ANXA8: variants seen among roughly 807,000 people sequenced by gnomAD.
The protein encoded by ANXA8 is annexin A8.
In ANXA8, 9 loss-of-function variants were observed where a neutral mutation model predicts 26.8. The ratio of observed to expected loss-of-function variants is 0.34; its 90% confidence interval spans 0.20 to 0.59. The LOEUF is 0.59. Ranked by LOEUF, ANXA8 falls within the 20% of genes least tolerant of loss-of-function variation. The probability of loss-of-function intolerance (pLI) is 0.84; values close to 1 mark genes in which losing one functional copy is unlikely to be tolerated. For synonymous variants in ANXA8, 39 were observed against 94.8 expected (o/e 0.41, Z 3.42); for missense variants, 83 against 238.5 (o/e 0.35, Z 4.29).
At chr10:47,730,875 TAATG>T in the ANXA8 span, among the ~76,000 whole-genome samples, 7 of 149,120 alleles carry the variant, frequency 4.7e-5, no homozygotes, top group African/African-American at 1.5e-4. Context: ...ACTATAATGA[TAATG>T]GATTAGTTTA....
upstream of ANXA8, among the ~76,000 whole-genome samples, chr10:47,489,071 G>A (rs1399812151): frequency 1.3e-5 from 2 of 148,404 alleles, no homozygotes; most frequent in South Asian, 2.1e-4. Context: ...AGGCTGGAGT[G>A]CAGTGGCATG....
the ANXA8 span, among the ~76,000 whole-genome samples, chr10:47,556,632 G>A: frequency 6.6e-6 from 1 of 151,800 alleles, no homozygotes; most frequent in Non-Finnish European, 1.5e-5. Flanking sequence ...ATATATAACT[G>A]CAGGGAATAT....
At chr10:47,553,613 G>C in the ANXA8 span, 1 of 160,306 alleles carries the variant, frequency 6.2e-6, no homozygotes, top group East Asian at 2.1e-4. Context: ...TCAGGGGACA[G>C]CTGGAAGAAA....
the ANXA8 span, among the ~76,000 whole-genome samples, chr10:47,881,877 G>T: frequency 1.3e-5 from 2 of 152,196 alleles, no homozygotes; most frequent in South Asian, 4.2e-4. Flanking sequence ...GTGTTTGTAT[G>T]CAGGTGCACG....
chr10:47,487,094 T>C (rs1322667859), upstream of ANXA8: 2 of 929,784 alleles, frequency 2.2e-6, no homozygotes, highest in East Asian at 5.3e-5. Flanking sequence ...CCCTGATTGA[T>C]CACTATTCTG....
At chr10:47,979,404 T>A in the ANXA8 span, among the ~76,000 whole-genome samples, 2 of 151,330 alleles carry the variant, frequency 1.3e-5, no homozygotes, top group African/African-American at 2.4e-5. Flanking sequence ...CAAGAATAAA[T>A]CTTGTCATGA....
the ANXA8 span, among the ~76,000 whole-genome samples, chr10:47,668,027 C>A: frequency 5.3e-5 from 8 of 151,942 alleles, no homozygotes; most frequent in African/African-American, 1.9e-4. Flanking sequence ...CGTGAGCCAC[C>A]GTGCCTGGCT....
At chr10:47,744,577 G>T in the ANXA8 span, among the ~76,000 whole-genome samples, 1 of 151,618 alleles carries the variant, frequency 6.6e-6, no homozygotes, top group Admixed American at 6.6e-5. Context: ...AAGTGGAGAG[G>T]GGCAGGTGAT....
the ANXA8 span, among the ~76,000 whole-genome samples, chr10:47,528,129 G>T: frequency 3.6e-5 from 5 of 137,454 alleles, no homozygotes; most frequent in African/African-American, 1.0e-4. Flanking sequence ...ACCCAGGCTG[G>T]AGTGCAGTGG....
At chr10:47,644,227 CAT>C in the ANXA8 span, among the ~76,000 whole-genome samples, 1 of 148,252 alleles carries the variant, frequency 6.7e-6, no homozygotes, top group Non-Finnish European at 1.5e-5. Context: ...TGGAGAAAAA[CAT>C]AGCTCTCATT....
At chr10:47,596,016 T>C in the ANXA8 span, among the ~76,000 whole-genome samples, 1 of 146,608 alleles carries the variant, frequency 6.8e-6, no homozygotes, top group African/African-American at 2.7e-5. Context: ...TATGCAGTTA[T>C]AAAGCAAGTG....
chr10:47,901,150 G>A, the ANXA8 span, among the ~76,000 whole-genome samples: 1 of 138,426 alleles, frequency 7.2e-6, no homozygotes, highest in Admixed American at 7.2e-5. Flanking sequence ...CCTTTTCAAG[G>A]GGAGAAAGTT....
chr10:47,622,079 T>A, the ANXA8 span, among the ~76,000 whole-genome samples: 1 of 112,032 alleles, frequency 8.9e-6, no homozygotes, highest in Non-Finnish European at 1.9e-5. Flanking sequence ...AAAAAATGTA[T>A]AGGTTATAAA....
the ANXA8 span, among the ~76,000 whole-genome samples, chr10:47,510,917 T>G: frequency 7.6e-6 from 1 of 130,930 alleles, no homozygotes; most frequent in Non-Finnish European, 1.6e-5. Flanking sequence ...AGAATTTCTA[T>G]TAATTAATTA....
chr10:47,659,123 G>A, the ANXA8 span, among the ~76,000 whole-genome samples: 1 of 151,948 alleles, frequency 6.6e-6, no homozygotes, highest in Admixed American at 6.5e-5. Flanking sequence ...TGCCTGCCTA[G>A]GCCTCCCAAA....
At chr10:47,514,397 C>G in the ANXA8 span, among the ~76,000 whole-genome samples, 1 of 143,846 alleles carries the variant, frequency 7.0e-6, no homozygotes, top group Non-Finnish European at 1.5e-5. Context: ...CTCTTTCCTA[C>G]GTGGGAGCTA....
At chr10:47,704,194 T>G in the ANXA8 span, among the ~76,000 whole-genome samples, 1 of 130,306 alleles carries the variant, frequency 7.7e-6, no homozygotes, top group African/African-American at 2.5e-5. Context: ...TTTAAGATAA[T>G]TTATAATATG....
the ANXA8 span, among the ~76,000 whole-genome samples, chr10:47,622,076 G>A: frequency 8.9e-6 from 1 of 111,864 alleles, no homozygotes; most frequent in Non-Finnish European, 1.9e-5. Flanking sequence ...CAAAAAAAAT[G>A]TATAGGTTAT....
At chr10:47,948,008 G>A in the ANXA8 span, among the ~76,000 whole-genome samples, 17 of 151,006 alleles carry the variant, frequency 1.1e-4, no homozygotes, top group South Asian at 8.3e-4. Flanking sequence ...AATCTGGTGC[G>A]TTCAGTTGAG....
Sources: gnomAD v4.1 joint callset for allele counts (sites outside exome capture counted in the v4.1 genomes callset) on GRCh38, gnomAD v4.1.1 for gene constraint, MANE v1.5 for transcripts, NCBI Gene and HGNC (gene_info 2026-07-23, HGNC 2026-07-21) for gene names.